BMPR1B: variants seen among roughly 807,000 people sequenced by gnomAD.
BMPR1B encodes the protein bone morphogenetic protein receptor type 1B.
In BMPR1B, 12 loss-of-function variants were observed where a neutral mutation model predicts 59.1. The observed-to-expected ratio is 0.20, with a 90% confidence interval of 0.13 to 0.33. The LOEUF (loss-of-function observed/expected upper bound fraction) is 0.33. Among genes scored for constraint, BMPR1B ranks in the 10% least tolerant of loss-of-function variants. The pLI, the probability that BMPR1B is intolerant of heterozygous loss-of-function variation, is 1.00. For missense variants in BMPR1B, 550 were observed against 610.9 expected (o/e 0.90, Z 1.05); for synonymous variants, 237 against 207.3 (o/e 1.14, Z -1.23).
intron 1 of BMPR1B, among the ~76,000 whole-genome samples, chr4:94,830,070 T>C (rs1232041567): frequency 6.6e-6 from 1 of 152,200 alleles, no homozygotes; most frequent in Non-Finnish European, 1.5e-5. Context: ...ATGATAGTTA[T>C]CAGCTAGTTC....
rs1393565331 is a variant in BMPR1B at position 95,157,489 on chromosome 4, G to C, written c.*2816G>C. 2 of 151,884 alleles carry C rather than the reference G, an allele frequency of 1.3e-5. No individual in the cohort carries two copies. The highest frequency in any genetic ancestry group is 1.3e-4 in the Admixed American group (2 of 15,240). 9.4% of individuals were successfully genotyped at this position (151,884 alleles called of 1,614,324 possible). ...TTAATAATGTTGTTTATTGCTTACT[G>C]TCAGGACTATTTCAAAGACTAAGAA... On this transcript the variant is annotated 3_prime_UTR_variant, in exon 13 of 13. Transcript: ENST00000515059.
intron 2 of BMPR1B, among the ~76,000 whole-genome samples, chr4:94,914,623 G>A (rs1327552485): frequency 6.6e-6 from 1 of 152,088 alleles, no homozygotes; most frequent in African/African-American, 2.4e-5. Context: ...TCAAAGAATG[G>A]TTTTAGTGGA....
At chr4:95,085,631 G>A (rs1394582082) in intron 3 of BMPR1B, among the ~76,000 whole-genome samples, 2 of 152,144 alleles carry the variant, frequency 1.3e-5, no homozygotes, top group African/African-American at 2.4e-5. Flanking sequence ...TGGGTTCACC[G>A]CTTGTGAGGA....
chr4:95,038,553 G>A (rs1725427676), intron 3 of BMPR1B, among the ~76,000 whole-genome samples: 1 of 152,164 alleles, frequency 6.6e-6, no homozygotes, highest in Non-Finnish European at 1.5e-5. Context: ...TGAAAAGGCA[G>A]AGGAAAAATT....
chr4:94,992,964 G>A (rs1242628575), intron 2 of BMPR1B, among the ~76,000 whole-genome samples: 1 of 152,122 alleles, frequency 6.6e-6, no homozygotes, highest in African/African-American at 2.4e-5. Context: ...GCTCACTGTA[G>A]CCTCGAATCC....
At chr4:94,976,910 C>T (rs1293951499) in intron 2 of BMPR1B, among the ~76,000 whole-genome samples, 1 of 152,140 alleles carries the variant, frequency 6.6e-6, no homozygotes, top group African/African-American at 2.4e-5. Context: ...TGGTTTCCAT[C>T]TTCTGATTCA....
At chr4:94,774,816 T>A (rs1722309346) in intron 1 of BMPR1B, among the ~76,000 whole-genome samples, 1 of 152,112 alleles carries the variant, frequency 6.6e-6, no homozygotes, top group Admixed American at 6.5e-5. Context: ...TCTCTCTCTA[T>A]CTTTTACAAT....
At chr4:95,114,629 A>G (rs1051307354) in intron 4 of BMPR1B, 91 bp from the exon 5 acceptor site, 71 of 1,083,456 alleles carry the variant, frequency 6.6e-5, no homozygotes, top group Non-Finnish European at 1.7e-5. Context: ...CACATCACTT[A>G]TTTCCTTTTC....
At chr4:94,791,362 A>G (rs1211211235) in intron 1 of BMPR1B, among the ~76,000 whole-genome samples, 1 of 152,148 alleles carries the variant, frequency 6.6e-6, no homozygotes. Context: ...TGTTATTTCC[A>G]TGGAGCCTGG....
chr4:94,890,281 A>G (rs1214580333), intron 2 of BMPR1B, among the ~76,000 whole-genome samples: 2 of 152,042 alleles, frequency 1.3e-5, no homozygotes, highest in Non-Finnish European at 2.9e-5. Context: ...GAATGTCTGC[A>G]TGTCTGCACT....
intron 2 of BMPR1B, among the ~76,000 whole-genome samples, chr4:94,948,476 G>A (rs1729801324): frequency 6.6e-6 from 1 of 152,114 alleles, no homozygotes; most frequent in Admixed American, 6.6e-5. Context: ...ATTTTTGCGG[G>A]AAAACAAATG....
intron 2 of BMPR1B, among the ~76,000 whole-genome samples, chr4:94,940,393 G>A (rs1376826836): frequency 6.6e-6 from 1 of 152,208 alleles, no homozygotes; most frequent in Non-Finnish European, 1.5e-5. Flanking sequence ...AATGCATCCA[G>A]TGTGGCCTAG....
chr4:94,949,332 C>T lies in BMPR1B; in HGVS notation c.-112-46708C>T, dbSNP rs1306662864. ...TCTTTTTTTTTTTTTTTTTTTGAGA[C>T]GGAGTCTCGCTCTGTCGCCCAGGCC... On this transcript the variant is annotated intron_variant, in intron 2 of 12. Transcript: ENST00000515059. Among the ~76,000 whole-genome samples, 11 of 84,246 alleles carry T rather than the reference C, an allele frequency of 1.3e-4. 1 individual carries two copies. In the East Asian group the frequency reaches 2.3e-3, roughly 18 times the overall value. The allele number at this position is 84,246 out of a possible 152,430, so 55.3% of individuals were successfully genotyped here.
At chr4:94,771,395 A>G (rs181429735) in intron 1 of BMPR1B, among the ~76,000 whole-genome samples, 4 of 152,298 alleles carry the variant, frequency 2.6e-5, no homozygotes, top group East Asian at 3.9e-4. Context: ...ATGACTGACA[A>G]TCAGCCCTGG....
At chr4:94,901,741 T>C (rs1251390512) in intron 2 of BMPR1B, among the ~76,000 whole-genome samples, 2 of 152,000 alleles carry the variant, frequency 1.3e-5, no homozygotes, top group Non-Finnish European at 2.9e-5. Flanking sequence ...AATTCTTTTC[T>C]TTCTCTTGGG....
intron 3 of BMPR1B, among the ~76,000 whole-genome samples, chr4:95,024,629 A>G (rs1485727855): frequency 6.6e-6 from 1 of 152,208 alleles, no homozygotes; most frequent in Admixed American, 6.6e-5. Flanking sequence ...TGCTTGCGAC[A>G]TTGTTGTGAA....
chr4:94,825,912 T>A (rs761312366), intron 1 of BMPR1B, among the ~76,000 whole-genome samples: 36 of 152,218 alleles, frequency 2.4e-4, no homozygotes, highest in Admixed American at 2.1e-3. Context: ...TTTTCTGTTT[T>A]TCTAAACTTT....
At chr4:95,126,452 A>G (rs1408195929) in intron 8 of BMPR1B, among the ~76,000 whole-genome samples, 1 of 152,240 alleles carries the variant, frequency 6.6e-6, no homozygotes, top group Non-Finnish European at 1.5e-5. Context: ...CTGGCCAGAC[A>G]TTGGCCTTTA....
At chr4:95,054,148 T>C (rs1030605702) in intron 3 of BMPR1B, among the ~76,000 whole-genome samples, 11 of 152,188 alleles carry the variant, frequency 7.2e-5, no homozygotes, top group Non-Finnish European at 1.5e-5. Context: ...CATAAAAATA[T>C]TTTGTTAAAT....
Sources: allele counts gnomAD v4.1 joint callset (sites outside exome capture counted in the v4.1 genomes callset), GRCh38; gene constraint gnomAD v4.1.1; transcripts MANE v1.5; gene names NCBI Gene and HGNC (gene_info 2026-07-23, HGNC 2026-07-21).